RBMS3: variants seen among roughly 807,000 people sequenced by gnomAD.
RBMS3 encodes RNA binding motif single stranded interacting protein 3.
A neutral mutation model predicts 66.8 loss-of-function variants in RBMS3; 27 were observed. The observed-to-expected ratio is 0.40, with a 90% confidence interval of 0.30 to 0.56. The LOEUF is 0.56. Among genes scored for constraint, RBMS3 ranks in the 20% least tolerant of loss-of-function variants. RBMS3 has a pLI of 0.40. For missense variants in RBMS3, 513 were observed against 549.5 expected (o/e 0.93, Z 0.66); for synonymous variants, 188 against 183.0 (o/e 1.03, Z -0.22).
intron 14 of RBMS3, among the ~76,000 whole-genome samples, chr3:29,996,310 T>C (rs1477392066): frequency 2.0e-5 from 3 of 150,660 alleles, no homozygotes; most frequent in East Asian, 1.9e-4. Flanking sequence ...CTCCCACACA[T>C]TAATAATGGG....
intron 1 of RBMS3, among the ~76,000 whole-genome samples, chr3:29,332,695 C>T (rs1428771351): frequency 6.6e-6 from 1 of 152,066 alleles, no homozygotes; most frequent in Non-Finnish European, 1.5e-5. Flanking sequence ...TGGTGCTCCT[C>T]AAGTTTTTCA....
At chr3:29,788,504 C>A (rs758177604) in intron 6 of RBMS3, among the ~76,000 whole-genome samples, 29 of 152,116 alleles carry the variant, frequency 1.9e-4, no homozygotes, top group Non-Finnish European at 4.0e-4. Flanking sequence ...GGATTACAGG[C>A]ATGAGCCACT....
chr3:29,691,530 T>G (rs2052008953), intron 4 of RBMS3, among the ~76,000 whole-genome samples: 1 of 152,228 alleles, frequency 6.6e-6, no homozygotes, highest in Non-Finnish European at 1.5e-5. Context: ...GCCAATCATT[T>G]GTTTAATGCA....
At chr3:29,868,537 C>T (rs1429108539) in intron 6 of RBMS3, among the ~76,000 whole-genome samples, 2 of 152,064 alleles carry the variant, frequency 1.3e-5, no homozygotes, top group Admixed American at 6.5e-5. Context: ...ATATAAATAC[C>T]GATTATGAAC....
chr3:29,890,281 T>C (rs1383650248), intron 8 of RBMS3, among the ~76,000 whole-genome samples: 1 of 151,640 alleles, frequency 6.6e-6, no homozygotes, highest in Non-Finnish European at 1.5e-5. Context: ...ACATGCCTTT[T>C]AGAGGTGTGG....
intron 14 of RBMS3, among the ~76,000 whole-genome samples, chr3:29,996,096 A>T (rs907096102): frequency 2.6e-5 from 4 of 151,888 alleles, no homozygotes; most frequent in African/African-American, 7.3e-5. Flanking sequence ...ATGGAAAACA[A>T]AAAAAGGCAG....
chr3:29,911,978 A>AATAGATAGATAGATAGATAG (rs112979723), intron 10 of RBMS3, among the ~76,000 whole-genome samples: 65 of 149,910 alleles, frequency 4.3e-4, no homozygotes, highest in African/African-American at 1.6e-3. Context: ...ACACATACAT[A>AATAGATAGATAGATAGATAG]ATAGCTAGAT....
intron 6 of RBMS3, among the ~76,000 whole-genome samples, chr3:29,772,888 TG>T (rs1222474220): frequency 2.0e-5 from 3 of 152,088 alleles, no homozygotes; most frequent in Non-Finnish European, 4.4e-5. Context: ...TATAGAAGAC[TG>T]TTCAGCATCT....
At chr3:29,343,701 T>C (rs923905990) in intron 1 of RBMS3, among the ~76,000 whole-genome samples, 1 of 152,174 alleles carries the variant, frequency 6.6e-6, no homozygotes, top group Non-Finnish European at 1.5e-5. Flanking sequence ...TTCAACCTCA[T>C]TGTCCACTAG....
intron 4 of RBMS3, among the ~76,000 whole-genome samples, chr3:29,618,030 T>C (rs146757373): frequency 6.6e-6 from 1 of 152,320 alleles, no homozygotes; most frequent in East Asian, 1.9e-4. Flanking sequence ...TATGTTCATG[T>C]ATGATGCTGT....
chr3:29,950,515 G>A (rs189985583), intron 12 of RBMS3, among the ~76,000 whole-genome samples: 14 of 151,820 alleles, frequency 9.2e-5, no homozygotes, highest in Admixed American at 2.6e-4. Context: ...CACTTGAGGC[G>A]CCTGTCAGAG....
Position 29,654,521 on chromosome 3 carries a change from C to CGTGT in RBMS3, c.399+67365_399+67368dup, listed in dbSNP as rs56163408. Among the ~76,000 whole-genome samples the CGTGT allele has an allele frequency of 3.0e-3, 359 of 118,982 alleles. 3 individuals are homozygous for CGTGT. The highest frequency in any genetic ancestry group is 6.5e-3 in the South Asian group (20 of 3,072). The allele number at this position is 118,982 out of a possible 152,430, so 78.1% of individuals were successfully genotyped here. ...GAAGCCAGAATACATGAATTGGATT[C>CGTGT]GTGTGTGTGTGTGTGTGTGTGTGTG... is the stretch of plus-strand genomic sequence containing the variant. On this transcript the variant is annotated intron_variant, in intron 4 of 14. Transcript: ENST00000383767.
chr3:29,949,905 G>A (rs1356038732), intron 12 of RBMS3, among the ~76,000 whole-genome samples: 2 of 151,884 alleles, frequency 1.3e-5, no homozygotes. Context: ...GAGAAAAGAT[G>A]AGAAATATAT....
chr3:29,476,745 A>AT (rs1300791719), intron 2 of RBMS3, among the ~76,000 whole-genome samples: 6 of 152,236 alleles, frequency 3.9e-5, no homozygotes, highest in Non-Finnish European at 7.4e-5. Flanking sequence ...TATGTATGTA[A>AT]TTTTTAAAAA....
chr3:29,921,099 G>A (rs1341120102), intron 10 of RBMS3, among the ~76,000 whole-genome samples: 3 of 152,104 alleles, frequency 2.0e-5, no homozygotes, highest in African/African-American at 4.8e-5. Flanking sequence ...TTTCACTCTT[G>A]TTGCTCAGGC....
chr3:29,282,808 T>A (rs1258913026), intron 1 of RBMS3, among the ~76,000 whole-genome samples: 1 of 152,160 alleles, frequency 6.6e-6, no homozygotes, highest in Non-Finnish European at 1.5e-5. Context: ...GTGATGTGAT[T>A]AGGGTTAGGT....
intron 4 of RBMS3, among the ~76,000 whole-genome samples, chr3:29,624,325 C>A (rs1242621315): frequency 6.6e-6 from 1 of 152,112 alleles, no homozygotes; most frequent in African/African-American, 2.4e-5. Context: ...AACAAAACCC[C>A]CTGAAATTTA....
At chr3:29,779,708 T>TATATATAC (rs1284161533) in intron 6 of RBMS3, among the ~76,000 whole-genome samples, 23 of 137,266 alleles carry the variant, frequency 1.7e-4, no homozygotes, top group African/African-American at 6.4e-4. Context: ...TAAGATGAAA[T>TATATATAC]ATATATATAT....
chr3:29,935,680 T>C (rs1050723998), intron 10 of RBMS3, among the ~76,000 whole-genome samples: 3 of 152,052 alleles, frequency 2.0e-5, no homozygotes, highest in Non-Finnish European at 4.4e-5. Flanking sequence ...TAATAAGTAA[T>C]AGATAAATGA....
Sources: gnomAD v4.1 joint callset for allele counts (sites outside exome capture counted in the v4.1 genomes callset) on GRCh38, gnomAD v4.1.1 for gene constraint, MANE v1.5 for transcripts, NCBI Gene and HGNC (gene_info 2026-07-23, HGNC 2026-07-21) for gene names.